CSTF3: variants seen among roughly 807,000 people sequenced by gnomAD.
CSTF3 encodes the protein CF-1 77 kDa subunit.
CSTF3 carries 29 observed loss-of-function variants against 105.8 expected under a neutral mutation model. That is an observed-to-expected ratio of 0.27 (90% CI 0.20 to 0.37). The LOEUF (loss-of-function observed/expected upper bound fraction) is 0.37. CSTF3 is among the 10% of genes least tolerant of loss of function. CSTF3 has a pLI of 1.00. For synonymous variants in CSTF3, 252 were observed against 281.9 expected (o/e 0.89, Z 1.06); for missense variants, 357 against 879.3 (o/e 0.41, Z 7.51).
At chr11:33,150,940 C>G (rs928976031) in intron 1 of CSTF3, among the ~76,000 whole-genome samples, 2 of 151,970 alleles carry the variant, frequency 1.3e-5, no homozygotes, top group Non-Finnish European at 2.9e-5. Flanking sequence ...TGGCTTGAGA[C>G]ATGATTCACA....
chr11:33,156,354 G>T (rs1187584909), intron 1 of CSTF3, among the ~76,000 whole-genome samples: 1 of 152,106 alleles, frequency 6.6e-6, no homozygotes, highest in Admixed American at 6.6e-5. Context: ...TAAAATTGGC[G>T]ATACTGTTAC....
chr11:33,088,393 G>C (rs1855130108), intron 17 of CSTF3, among the ~76,000 whole-genome samples: 1 of 149,942 alleles, frequency 6.7e-6, no homozygotes, highest in South Asian at 2.1e-4. Context: ...CAATTCTCCT[G>C]CCTCAGCCTC....
chr11:33,106,131 C>T, intron 5 of CSTF3, 67 bp from the exon 6 acceptor site: 3 of 1,229,472 alleles, frequency 2.4e-6, no homozygotes, highest in African/African-American at 1.5e-5. Context: ...ACAATTAGGC[C>T]AGACATGGTG....
At chr11:33,159,764 G>A (rs1320744358) in intron 1 of CSTF3, among the ~76,000 whole-genome samples, 1 of 152,080 alleles carries the variant, frequency 6.6e-6, no homozygotes, top group East Asian at 1.9e-4. Context: ...CAAAGACTCT[G>A]TTCTCAATCT....
In CSTF3 at chr11:33,103,359, A is replaced by G. The variant is rs539158268; in HGVS notation, c.586-175T>C. 2.0e-5 allele frequency among the ~76,000 whole-genome samples: 3 copies of G among 152,350 alleles called. 1 individual carries two copies. The highest frequency in any genetic ancestry group is 1.3e-4 in the Admixed American group (2 of 15,302). ...GGGAAAAAAGGTTCAATCACATTAT[A>G]CATTTCCAAGATCAAGGAGGATGTG... On this transcript the variant is annotated intron_variant, in intron 8 of 20. Coordinates refer to ENST00000323959, the MANE Select transcript of CSTF3 (RefSeq NM_001326.3).
intron 1 of CSTF3, chr11:33,156,630 T>G: frequency 2.3e-6 from 1 of 441,566 alleles, no homozygotes; most frequent in Non-Finnish European, 4.5e-6. Flanking sequence ...GAGGATCATT[T>G]GGCTTGTATT....
intron 3 of CSTF3, among the ~76,000 whole-genome samples, chr11:33,135,450 A>G (rs766873682): frequency 2.0e-5 from 3 of 152,168 alleles, no homozygotes; most frequent in Non-Finnish European, 2.9e-5. Flanking sequence ...AACACATACC[A>G]TATGTCCATC....
In CSTF3 at chr11:33,161,393, A is replaced by G; in HGVS notation, c.-68T>C. The G allele has an allele frequency of 6.4e-7, 1 of 1,569,964 alleles. No homozygotes were observed. Among genetic ancestry groups the G allele is most frequent in the Non-Finnish European group, 8.7e-7 (1 of 1,149,052 alleles). On this transcript the variant is annotated 5_prime_UTR_variant, in exon 1 of 21. Transcript: ENST00000323959. The stretch of plus-strand genomic sequence containing the variant: ...AGCTAGAAAAGAAAAATTAAACTAA[A>G]AACCACCCCCAAATCAGTAAAGTTA...
chr11:33,101,956 T>G (rs1590266245), intron 10 of CSTF3, among the ~76,000 whole-genome samples: 2 of 151,764 alleles, frequency 1.3e-5, no homozygotes, highest in Non-Finnish European at 2.9e-5. Context: ...AATTGAAAAA[T>G]ATAGTATCTG....
chr11:33,148,861 T>G (rs1376629406), intron 1 of CSTF3, among the ~76,000 whole-genome samples: 1 of 19,192 alleles, frequency 5.2e-5, no homozygotes, highest in East Asian at 1.2e-3. Flanking sequence ...TGTTGCTGTG[T>G]TTTTTTTTTT....
At chr11:33,149,437 G>C (rs1408703794) in intron 1 of CSTF3, among the ~76,000 whole-genome samples, 2 of 152,152 alleles carry the variant, frequency 1.3e-5, no homozygotes, top group Non-Finnish European at 2.9e-5. Context: ...GAACCACTTG[G>C]GTAGCCAACG....
Position 33,144,612 on chromosome 11 carries a change from T to A in CSTF3, c.28-2626A>T, listed in dbSNP as rs941913587. 1.4e-4 allele frequency among the ~76,000 whole-genome samples: 21 copies of A among 152,228 alleles called. No individual in the cohort carries two copies. In the South Asian group the frequency reaches 1.9e-3, roughly 13 times the overall value. On this transcript the variant is annotated intron_variant, in intron 1 of 20. Transcript: ENST00000323959. ...TAAAGTTGAATTCCTACTTTACTCTTTCTGCCCAAATAAACTTAAGAGAGA... is the reference window on the plus strand; with the variant it reads ...TAAAGTTGAATTCCTACTTTACTCTATCTGCCCAAATAAACTTAAGAGAGA...
At position 33,161,365 on chromosome 11, in the gene CSTF3, G is replaced by A. The variant is rs1391639829; in HGVS notation, c.-40C>T. The A allele has an allele frequency of 6.2e-7, 1 of 1,609,284 alleles. No homozygotes were observed. The highest frequency in any genetic ancestry group is 8.5e-7 in the Non-Finnish European group (1 of 1,179,296). ...ACAACGTGCGCACTGACCGTCGATG[G>A]GAAGCTAGAAAAGAAAAATTAAACT... is the stretch of plus-strand genomic sequence containing the variant. On this transcript the variant is annotated 5_prime_UTR_variant, in exon 1 of 21. Transcript: ENST00000323959.
intron 3 of CSTF3, among the ~76,000 whole-genome samples, chr11:33,117,555 C>T (rs537981494): frequency 1.5e-4 from 23 of 151,994 alleles, no homozygotes; most frequent in African/African-American, 5.3e-4. Context: ...AGGTAAAGTA[C>T]TATTCCCTAC....
intron 1 of CSTF3, among the ~76,000 whole-genome samples, chr11:33,157,423 G>GA (rs1849881515): frequency 6.6e-6 from 1 of 151,998 alleles, no homozygotes; most frequent in East Asian, 1.9e-4. Flanking sequence ...ATTCCACACA[G>GA]AAATCATATG....
chr11:33,157,353 T>C (rs1039891615), intron 1 of CSTF3, among the ~76,000 whole-genome samples: 1 of 151,902 alleles, frequency 6.6e-6, no homozygotes, highest in Admixed American at 6.6e-5. Flanking sequence ...AGACTCCATC[T>C]CAAAAAAACA....
chr11:33,090,768 G>T lies in CSTF3; in HGVS notation c.1446-41C>A. The T allele has an allele frequency of 2.9e-6, 4 of 1,386,380 alleles. No individual in the cohort carries two copies. In the South Asian group the frequency reaches 5.0e-5, roughly 17 times the overall value. 85.9% of individuals were successfully genotyped at this position (1,386,380 alleles called of 1,614,324 possible). On this transcript the variant is annotated intron_variant, in intron 16 of 20. Transcript: ENST00000323959. ...TACAATCAATACTTTAATTATTCTG[G>T]GTTTAGGGCAGGGAGTTCATTTACA...
chr11:33,160,718 T>C (rs1314235493), intron 1 of CSTF3, among the ~76,000 whole-genome samples: 3 of 152,234 alleles, frequency 2.0e-5, no homozygotes, highest in Admixed American at 1.3e-4. Flanking sequence ...TTTCAACTTA[T>C]ACCTGCAATG....
chr11:33,108,449 T>C, intron 3 of CSTF3, 31 bp from the exon 4 acceptor site: 1 of 1,426,554 alleles, frequency 7.0e-7, no homozygotes, highest in Non-Finnish European at 9.3e-7. Flanking sequence ...ATAGAATTAA[T>C]ACTATTTTTT....
Sources: gnomAD v4.1 joint callset for allele counts (sites outside exome capture counted in the v4.1 genomes callset) on GRCh38, gnomAD v4.1.1 for gene constraint, MANE v1.5 for transcripts, NCBI Gene and HGNC (gene_info 2026-07-23, HGNC 2026-07-21) for gene names.